FNIP1: variants seen among roughly 807,000 people sequenced by gnomAD.
The protein encoded by FNIP1 is folliculin-interacting protein 1.
Under a neutral mutation model 124.5 loss-of-function variants are expected in FNIP1, and 40 were observed. The ratio of observed to expected loss-of-function variants is 0.32; its 90% CI spans 0.25 to 0.42. The LOEUF (loss-of-function observed/expected upper bound fraction) is 0.42, where lower values mean the gene tolerates loss of function less well. FNIP1 is among the 10% of genes least tolerant of loss of function. The probability of loss-of-function intolerance (pLI) is 1.00; values close to 1 mark genes in which losing one functional copy is unlikely to be tolerated. For synonymous variants in FNIP1, 472 were observed against 470.6 expected, an observed-to-expected ratio of 1.00 and a Z score of -0.04; for missense variants, 1,176 against 1,403.7, an observed-to-expected ratio of 0.84 and a Z score of 2.59.
intron 6 of FNIP1, among the ~76,000 whole-genome samples, chr5:131,712,520 G>A (rs961320741): frequency 6.6e-6 from 1 of 152,138 alleles, no homozygotes; most frequent in East Asian, 1.9e-4. Flanking sequence ...ACAAAAGACT[G>A]AATACAGACG....
chr5:131,738,681 T>G (rs900869541), intron 2 of FNIP1, among the ~76,000 whole-genome samples: 1 of 151,992 alleles, frequency 6.6e-6, no homozygotes, highest in Admixed American at 6.6e-5. Flanking sequence ...TGTACTTTTT[T>G]TTTTAGTAGA....
At chr5:131,703,669 A>C (rs1256693481) in intron 10 of FNIP1, among the ~76,000 whole-genome samples, 1 of 152,210 alleles carries the variant, frequency 6.6e-6, no homozygotes, top group African/African-American at 2.4e-5. Context: ...CTAGCCTATA[A>C]AAATTAGTAA....
In FNIP1 at chr5:131,796,926, G is replaced by A; in HGVS notation, c.-5C>T. ...CTGGAACAGCGTAGGGGCCATGCTA[G>A]CCACGGCCAGGCAGGGGTCGCTCCG... On this transcript the variant is annotated 5_prime_UTR_variant, in exon 1 of 18. Transcript: ENST00000510461. The A allele has an allele frequency of 6.3e-7, 1 of 1,598,916 alleles. No homozygotes were observed. The highest frequency in any genetic ancestry group is 8.5e-7 in the Non-Finnish European group (1 of 1,173,474).
At chr5:131,689,762 A>T (rs1201198788) in intron 11 of FNIP1, among the ~76,000 whole-genome samples, 1 of 152,246 alleles carries the variant, frequency 6.6e-6, no homozygotes, top group African/African-American at 2.4e-5. Context: ...ACATAAAGTG[A>T]AATAAATAGA....
In FNIP1 at chr5:131,668,292, T is replaced by C. The variant is rs56135628; in HGVS notation, c.3108+2171A>G. ...GAGAATTCCATAAATATTTGTAAAT[T>C]AAACAGCATACTTCTAAATAACTCA... On this transcript the variant is annotated intron_variant, in intron 15 of 17. Coordinates refer to ENST00000510461, the MANE Select transcript of FNIP1 (RefSeq NM_133372.3). 7.2e-3 allele frequency among the ~76,000 whole-genome samples: 1,099 copies of C among 152,322 alleles called. 3 individuals are homozygous for C. The highest frequency in any genetic ancestry group is 0.011 in the Non-Finnish European group (776 of 68,032).
chr5:131,784,815 G>C (rs1406620616), intron 1 of FNIP1, among the ~76,000 whole-genome samples: 1 of 149,226 alleles, frequency 6.7e-6, no homozygotes, highest in Non-Finnish European at 1.5e-5. Flanking sequence ...GAGTGAGACT[G>C]TCTCTCAAAA....
chr5:131,760,474 C>G (rs1225028375), intron 1 of FNIP1, among the ~76,000 whole-genome samples: 1 of 152,046 alleles, frequency 6.6e-6, no homozygotes. Flanking sequence ...TAAATAAATA[C>G]CAGTTAATCT....
At chr5:131,725,210 T>G (rs1488343346) in intron 3 of FNIP1, among the ~76,000 whole-genome samples, 1 of 152,212 alleles carries the variant, frequency 6.6e-6, no homozygotes, top group Non-Finnish European at 1.5e-5. Context: ...ATATGAAATT[T>G]AAAGTAGTTT....
chr5:131,709,321 G>A (rs1055003704), intron 7 of FNIP1, 49 bp from the exon 8 acceptor site: 1 of 1,465,510 alleles, frequency 6.8e-7, no homozygotes, highest in African/African-American at 1.4e-5. Flanking sequence ...TGCTATTCAG[G>A]TGGATGAACA....
At chr5:131,792,713 G>C (rs995184631) in intron 1 of FNIP1, among the ~76,000 whole-genome samples, 1 of 152,114 alleles carries the variant, frequency 6.6e-6, no homozygotes, top group Non-Finnish European at 1.5e-5. Context: ...TCGACACTTT[G>C]TGCACAAAAT....
chr5:131,656,371 G>C (rs1298016516), intron 15 of FNIP1, among the ~76,000 whole-genome samples: 4 of 152,236 alleles, frequency 2.6e-5, no homozygotes, highest in Admixed American at 2.6e-4. Context: ...TTGTGAAGCT[G>C]TCATTGCAGC....
chr5:131,675,838 A>G (rs939736198), intron 13 of FNIP1, among the ~76,000 whole-genome samples: 4 of 152,116 alleles, frequency 2.6e-5, no homozygotes, highest in African/African-American at 9.7e-5. Context: ...ATGGTTTCAG[A>G]GGCATATATG....
intron 1 of FNIP1, among the ~76,000 whole-genome samples, chr5:131,772,430 A>T (rs1035721754): frequency 3.3e-5 from 5 of 152,142 alleles, no homozygotes; most frequent in South Asian, 2.1e-4. Flanking sequence ...CAAAAAAAAA[A>T]AAAAAAATTA....
Position 131,651,746 on chromosome 5 carries a change from T to C in FNIP1, c.3306+56A>G, listed in dbSNP as rs563307178. On this transcript the variant is annotated intron_variant, in intron 16 of 17. Coordinates refer to ENST00000510461, the MANE Select transcript of FNIP1 (RefSeq NM_133372.3). ...AACAGCTTTTTTTCAGAAAAAACAA[T>C]GATGAAAGCTTTAAGCAGTGCTTAA... 5 of 1,522,634 alleles carry C rather than the reference T, an allele frequency of 3.3e-6. No homozygotes were observed. In the South Asian group the frequency reaches 6.0e-5, roughly 18 times the overall value. 94.3% of individuals were successfully genotyped at this position (1,522,634 alleles called of 1,614,324 possible).
At chr5:131,677,005 G>A (rs1164774329) in intron 13 of FNIP1, among the ~76,000 whole-genome samples, 2 of 152,198 alleles carry the variant, frequency 1.3e-5, no homozygotes, top group Admixed American at 6.5e-5. Flanking sequence ...AACAGAGTAG[G>A]AGCAGAGGTA....
intron 1 of FNIP1, among the ~76,000 whole-genome samples, chr5:131,792,032 G>A (rs1772423253): frequency 6.6e-6 from 1 of 152,134 alleles, no homozygotes; most frequent in African/African-American, 2.4e-5. Context: ...AAAGCCATGT[G>A]CTAAGCACCA....
Position 131,655,941 on chromosome 5 carries a change from A to C in FNIP1, c.3109-3942T>G, listed in dbSNP as rs202144200. Among the ~76,000 whole-genome samples the C allele has an allele frequency of 4.6e-3, 688 of 149,324 alleles. 7 individuals are homozygous for C. Among genetic ancestry groups the C allele is most frequent in the East Asian group, 0.038 (196 of 5,100 alleles). ...TCAAAAAACAACAAAACAAAACAAAACAAAAAAAAAACTAATCTCTTTTGG... is the reference window on the plus strand; with the variant it reads ...TCAAAAAACAACAAAACAAAACAAACCAAAAAAAAAACTAATCTCTTTTGG... On this transcript the variant is annotated intron_variant, in intron 15 of 17. Coordinates refer to ENST00000510461, the MANE Select transcript of FNIP1 (RefSeq NM_133372.3).
intron 1 of FNIP1, among the ~76,000 whole-genome samples, chr5:131,772,503 C>T (rs1406031287): frequency 2.0e-5 from 3 of 151,868 alleles, no homozygotes; most frequent in Non-Finnish European, 2.9e-5. Flanking sequence ...ACCCCAATTG[C>T]CTACTAAGAA....
Position 131,644,641 on chromosome 5 carries a change from T to C in FNIP1, c.*44A>G. 6.5e-7 allele frequency: 1 copy of C among 1,542,618 alleles called. No homozygotes were observed. Among genetic ancestry groups the C allele is most frequent in the Non-Finnish European group, 9.0e-7 (1 of 1,116,254 alleles). On this transcript the variant is annotated 3_prime_UTR_variant, in exon 18 of 18. Coordinates refer to ENST00000510461, the MANE Select transcript of FNIP1 (RefSeq NM_133372.3). ...ATGCATGTTGTGTCTGCTTCCTTGG[T>C]TTCTACCTATTTTCCCACCAATTTC... is the stretch of plus-strand genomic sequence containing the variant.
Sources: gnomAD v4.1 joint callset for allele counts (sites outside exome capture counted in the v4.1 genomes callset) on GRCh38, gnomAD v4.1.1 for gene constraint, MANE v1.5 for transcripts, NCBI Gene and HGNC (gene_info 2026-07-23, HGNC 2026-07-21) for gene names.